Variants in TSBP1 observed in about 807,000 individuals in gnomAD.
TSBP1 encodes testis expressed basic protein 1.
TSBP1 carries 56 observed loss-of-function variants against 68.8 expected under a neutral mutation model. The ratio of observed to expected loss-of-function variants is 0.81; its 90% CI spans 0.66 to 1.02. TSBP1 has a LOEUF of 1.02. Ranked by LOEUF, TSBP1 falls within the 50% of genes least tolerant of loss-of-function variation. The pLI is 0.00. For synonymous variants in TSBP1, 171 were observed against 208.7 expected (o/e 0.82, Z 1.56); for missense variants, 502 against 641.2 (o/e 0.78, Z 2.34).
At chr6:32,300,769 T>G in intron 20 of TSBP1, 69 bp from the exon 24 acceptor site, 3 of 1,254,396 alleles carry the variant, frequency 2.4e-6, no homozygotes, top group Non-Finnish European at 3.5e-6. Flanking sequence ...CCCAAACCTC[T>G]GCATTGAGTG....
rs142516848 is a variant in TSBP1, at chr6:32,353,734, C to T, written c.259+1390G>A. Among the ~76,000 whole-genome samples the T allele has an allele frequency of 1.3e-4, 20 of 151,862 alleles. No homozygotes were observed. In the South Asian group the frequency reaches 1.9e-3, roughly 14 times the overall value. On this transcript the variant is annotated intron_variant, in intron 8 of 22. Transcript: ENST00000612031. The stretch of plus-strand genomic sequence containing the variant: ...TCACTGGAACAGAAAATAAAATCCA[C>T]GGAAAAACGAAATATATAAGATGAA...
intron 19 of TSBP1, among the ~76,000 whole-genome samples, chr6:32,305,307 C>A (rs1284419469): frequency 6.6e-6 from 1 of 152,108 alleles, no homozygotes; most frequent in Non-Finnish European, 1.5e-5. Flanking sequence ...CACTCCAGCA[C>A]CTGGACCCAT....
chr6:32,342,809 C>T (rs1157847205), intron 9 of TSBP1, among the ~76,000 whole-genome samples: 3 of 152,088 alleles, frequency 2.0e-5, no homozygotes, highest in Non-Finnish European at 2.9e-5. Context: ...TAATTTCCTC[C>T]CTTGAAGGTA....
intron 16 of TSBP1, among the ~76,000 whole-genome samples, chr6:32,326,424 T>C (rs1188004697): frequency 2.0e-5 from 3 of 152,086 alleles, no homozygotes; most frequent in African/African-American, 7.2e-5. Flanking sequence ...CGACAAAGGG[T>C]TTTAATGTAG....
chr6:32,306,034 T>C lies in TSBP1; in HGVS notation c.581-3405A>G, dbSNP rs777638457. Among the ~76,000 whole-genome samples the C allele has an allele frequency of 6.6e-6, 1 of 152,164 alleles. No individual in the cohort carries two copies. Among genetic ancestry groups the C allele is most frequent in the Non-Finnish European group, 1.5e-5 (1 of 68,012 alleles). On this transcript the variant is annotated intron_variant, in intron 19 of 22. Coordinates refer to ENST00000612031, the Ensembl canonical transcript of TSBP1. This position sits in a 1 kb window ranked among gnomAD's most constrained non-coding sequence, Gnocchi z 5.1. Reference sequence around the variant, plus strand: ...AATAATTCTCCATCATAATTATATATTGGCAAGGGTCATAACACATTTGTA... The same window carrying C: ...AATAATTCTCCATCATAATTATATACTGGCAAGGGTCATAACACATTTGTA...
intron 3 of TSBP1, 24 bp from the exon 4 acceptor site, chr6:32,367,981 G>A (rs370335914): frequency 6.4e-7 from 1 of 1,561,272 alleles, no homozygotes; most frequent in Non-Finnish European, 8.6e-7. Flanking sequence ...GAGAGCACAT[G>A]ATTTTGCTTC....
intron 16 of TSBP1, among the ~76,000 whole-genome samples, chr6:32,329,131 G>A (rs763147336): frequency 1.3e-5 from 2 of 152,000 alleles, no homozygotes; most frequent in Admixed American, 6.6e-5. Context: ...TCTCCAAATC[G>A]CTTATAACTT....
rs946520640 is a variant in TSBP1 at position 32,355,756 on chromosome 6, A to G, written c.218-87T>C. The G allele has an allele frequency of 2.1e-6, 3 of 1,445,706 alleles. No homozygotes were observed. The African/African-American group carries it at 4.4e-5, about 21-fold the overall frequency. The allele number at this position is 1,445,706 out of a possible 1,614,324, so 89.6% of individuals were successfully genotyped here. On this transcript the variant is annotated intron_variant, in intron 6 of 22. Transcript: ENST00000612031. ...ATCACTACAGAGGATTACCCAATCA[A>G]CACCCTCAAATATCCAGTTAGGCAA...
In TSBP1 at chr6:32,327,452, C is replaced by T. The variant is rs558980993; in HGVS notation, c.514+3137G>A. On this transcript the variant is annotated intron_variant, in intron 16 of 22. Transcript: ENST00000612031. ...AAAATCTGACAGCTCAGTGCATGTC[C>T]GGCCTTACGTGCCTTACTTTGTGCT... Among the ~76,000 whole-genome samples, 19 of 152,234 alleles carry T rather than the reference C, an allele frequency of 1.2e-4. No homozygotes were observed. In the South Asian group the frequency reaches 2.1e-3, roughly 17 times the overall value.
Position 32,343,208 on chromosome 6 carries a change from C to T in TSBP1, c.350-3570G>A. Reference sequence around the variant, plus strand: ...TGCCTAGCATAGGAGCCCAACAACACCAGAGTTTGAAACAAGAAGATAAAC... The same window carrying T: ...TGCCTAGCATAGGAGCCCAACAACATCAGAGTTTGAAACAAGAAGATAAAC... On this transcript the variant is annotated intron_variant, in intron 9 of 22. Transcript: ENST00000612031. The surrounding 1 kb of genome is among the most constrained non-coding windows in gnomAD (Gnocchi z 4.3). 1 of 1,339,388 alleles carries T rather than the reference C, an allele frequency of 7.5e-7. No homozygotes were observed. Among genetic ancestry groups the T allele is most frequent in the Non-Finnish European group, 9.7e-7 (1 of 1,027,726 alleles). The allele number at this position is 1,339,388 out of a possible 1,614,324, so 83.0% of individuals were successfully genotyped here. A position where few individuals can be genotyped will look rare whatever the true frequency, so the allele number is the denominator to read the frequency against.
At chr6:32,301,562 A>G (rs1045427239) in intron 20 of TSBP1, among the ~76,000 whole-genome samples, 4 of 151,782 alleles carry the variant, frequency 2.6e-5, no homozygotes, top group African/African-American at 4.8e-5. Flanking sequence ...CAAAAAAAAA[A>G]AGAAAAAATT....
Position 32,335,898 on chromosome 6 carries a change from G to A in TSBP1, c.451+14C>T. On this transcript the variant is annotated intron_variant, in intron 13 of 22. Transcript: ENST00000612031. This position sits in a 1 kb window ranked among gnomAD's most constrained non-coding sequence, Gnocchi z 5.5. The stretch of plus-strand genomic sequence containing the variant: ...GTAAAATGCTCACTGTGGAGAATCA[G>A]AGAGCAAACTTACTGATAGGTCCTG... 1 of 1,603,936 alleles carries A rather than the reference G, an allele frequency of 6.2e-7. No homozygotes were observed. Among genetic ancestry groups the A allele is most frequent in the Non-Finnish European group, 8.5e-7 (1 of 1,172,400 alleles).
chr6:32,354,949 CTT>C (rs1277087728), intron 8 of TSBP1, among the ~76,000 whole-genome samples, 173 bp downstream of exon 8: 3 of 151,862 alleles, frequency 2.0e-5, no homozygotes, highest in Admixed American at 2.0e-4. Flanking sequence ...TCTATGATAA[CTT>C]GAGAAATATG....
chr6:32,355,773 G>A (rs2127639521), intron 6 of TSBP1, 104 bp from the exon 7 acceptor site: 1 of 1,380,348 alleles, frequency 7.2e-7, no homozygotes, highest in Non-Finnish European at 9.6e-7. Flanking sequence ...CAAATATCCA[G>A]TTAGGCAAGA....
Position 32,357,019 on chromosome 6 carries a change from G to A in TSBP1, c.218-1350C>T, listed in dbSNP as rs1017708692. 1.3e-5 allele frequency among the ~76,000 whole-genome samples: 2 copies of A among 151,938 alleles called. No individual in the cohort carries two copies. Among genetic ancestry groups the A allele is most frequent in the Admixed American group, 1.3e-4 (2 of 15,268 alleles). On this transcript the variant is annotated intron_variant, in intron 6 of 22. Transcript: ENST00000612031. The surrounding 1 kb of genome is among the most constrained non-coding windows in gnomAD (Gnocchi z 4.7). ...CCTTACCTAATATTAATATCTTCCT[G>A]CCAGAAGATTTCTATAGTCTCAAGT...
Position 32,306,023 on chromosome 6 carries a change from A to T in TSBP1, c.581-3394T>A, listed in dbSNP as rs868239293. Among the ~76,000 whole-genome samples, 1 of 152,222 alleles carries T rather than the reference A, an allele frequency of 6.6e-6. No homozygotes were observed. The highest frequency in any genetic ancestry group is 1.5e-5 in the Non-Finnish European group (1 of 68,034). On this transcript the variant is annotated intron_variant, in intron 19 of 22. Coordinates refer to ENST00000612031, the Ensembl canonical transcript of TSBP1. The surrounding 1 kb of genome is among the most constrained non-coding windows in gnomAD (Gnocchi z 5.1). ...ATTGGTGGAAAAATAATTCTCCATC[A>T]TAATTATATATTGGCAAGGGTCATA...
exon 23 of TSBP1, chr6:32,293,960 C>T: frequency 6.2e-7 from 1 of 1,612,434 alleles, no homozygotes. Context: ...CCTTGCAGTG[C>T]CTCCACATTT....
chr6:32,358,981 A>G (rs1444627281), intron 6 of TSBP1, among the ~76,000 whole-genome samples: 1 of 150,764 alleles, frequency 6.6e-6, no homozygotes, highest in Non-Finnish European at 1.5e-5. Context: ...GGTTAGTTAC[A>G]TATGTATACA....
intron 19 of TSBP1, among the ~76,000 whole-genome samples, chr6:32,309,376 T>C (rs13437404): frequency 0.02 from 3,079 of 152,290 alleles, 87 homozygotes; most frequent in African/African-American, 0.064. Context: ...CTAACTTCTT[T>C]TTGAGTTTTT....
Sources: gnomAD v4.1 joint callset for allele counts (sites outside exome capture counted in the v4.1 genomes callset) on GRCh38, gnomAD v4.1.1 for gene constraint, Gnocchi (gnomAD v3.1) non-coding constraint, MANE v1.5 for transcripts, NCBI Gene and HGNC (gene_info 2026-07-23, HGNC 2026-07-21) for gene names.